Variants in PXDNL observed in about 807,000 individuals in gnomAD.
The protein encoded by PXDNL is peroxidasin like.
Under a neutral mutation model 150.8 loss-of-function variants are expected in PXDNL, and 145 were observed. That is an observed-to-expected ratio of 0.96 (90% confidence interval 0.84 to 1.10). PXDNL has a LOEUF of 1.10. PXDNL is among the 50% of genes least tolerant of loss of function. The pLI, the probability that PXDNL is intolerant of heterozygous loss-of-function variation, is 0.00. For synonymous variants in PXDNL, 757 were observed against 725.7 expected (o/e 1.04, Z -0.69); for missense variants, 2,087 against 1,873.9 (o/e 1.11, Z -2.10).
At chr8:51,432,017 C>A (rs1449308652) in intron 12 of PXDNL, among the ~76,000 whole-genome samples, 1 of 152,170 alleles carries the variant, frequency 6.6e-6, no homozygotes, top group Non-Finnish European at 1.5e-5. Flanking sequence ...AGATTATCAT[C>A]TTTTCTGATA....
chr8:51,519,075 G>A (rs1391817935), intron 4 of PXDNL, among the ~76,000 whole-genome samples: 2 of 152,176 alleles, frequency 1.3e-5, no homozygotes, highest in African/African-American at 4.8e-5. Context: ...ACTGACATAA[G>A]ATGGATTTTT....
At chr8:51,533,910 G>T (rs1181831956) in intron 4 of PXDNL, among the ~76,000 whole-genome samples, 1 of 150,830 alleles carries the variant, frequency 6.6e-6, no homozygotes, top group Non-Finnish European at 1.5e-5. Flanking sequence ...CCGCCACCCC[G>T]TCTGGGAAGT....
intron 5 of PXDNL, among the ~76,000 whole-genome samples, chr8:51,496,703 T>G (rs1267553270): frequency 6.6e-6 from 1 of 152,014 alleles, no homozygotes; most frequent in Admixed American, 6.6e-5. Context: ...TCAAAGAGAA[T>G]GAAATACCTA....
At chr8:51,327,379 T>A (rs112747469) in intron 21 of PXDNL, among the ~76,000 whole-genome samples, 3 of 152,224 alleles carry the variant, frequency 2.0e-5, no homozygotes, top group African/African-American at 7.2e-5. Context: ...GATACAATCA[T>A]GTAAGTGTCT....
chr8:51,769,611 G>C (rs1400470848), intron 1 of PXDNL, among the ~76,000 whole-genome samples: 1 of 152,146 alleles, frequency 6.6e-6, no homozygotes, highest in Admixed American at 6.5e-5. Flanking sequence ...TGTAATCATA[G>C]ATATTTCACA....
At chr8:51,543,710 CAAAAAA>C (rs572642373) in intron 4 of PXDNL, among the ~76,000 whole-genome samples, 2,509 of 60,372 alleles carry the variant, frequency 0.042, 25 homozygotes, top group African/African-American at 0.06. Context: ...GACTCCATAT[CAAAAAA>C]AAAAAAAAAA....
At position 51,626,901 on chromosome 8, in the gene PXDNL, T is replaced by C. The variant is rs1307286537; in HGVS notation, c.236+27788A>G. Among the ~76,000 whole-genome samples, 5 of 152,172 alleles carry C rather than the reference T, an allele frequency of 3.3e-5. No homozygotes were observed. The East Asian group carries it at 9.6e-4, about 29-fold the overall frequency. ...ATCAAAGCTGTTGTCATCCAGGCCC[T>C]GTCCACTGAGCAGCCTTTGATGTCT... On this transcript the variant is annotated intron_variant, in intron 2 of 22. Transcript: ENST00000356297.
intron 4 of PXDNL, among the ~76,000 whole-genome samples, chr8:51,516,502 T>C (rs1811542925): frequency 6.6e-6 from 1 of 152,186 alleles, no homozygotes; most frequent in Admixed American, 6.5e-5. Context: ...AGTCAGAAAA[T>C]CCACCATGAT....
chr8:51,612,199 C>A (rs1324058222), intron 2 of PXDNL, among the ~76,000 whole-genome samples: 1 of 152,092 alleles, frequency 6.6e-6, no homozygotes, highest in South Asian at 2.1e-4. Context: ...GTTTTGCTCC[C>A]GGCCTCCACT....
chr8:51,600,964 T>C (rs1300468418), intron 2 of PXDNL, among the ~76,000 whole-genome samples: 1 of 145,072 alleles, frequency 6.9e-6, no homozygotes, highest in Non-Finnish European at 1.5e-5. Flanking sequence ...CTATAAATTA[T>C]ATAATTTATA....
chr8:51,628,896 T>C (rs72638061), intron 2 of PXDNL, among the ~76,000 whole-genome samples: 4,736 of 149,120 alleles, frequency 0.032, 130 homozygotes, highest in Non-Finnish European at 0.041. Flanking sequence ...AAAACAAATC[T>C]TGAAGAGGGG....
At chr8:51,677,511 G>A (rs920510167) in intron 1 of PXDNL, among the ~76,000 whole-genome samples, 3 of 152,174 alleles carry the variant, frequency 2.0e-5, no homozygotes, top group African/African-American at 7.2e-5. Context: ...AGAGTTATCT[G>A]AGAGCCTTGC....
At chr8:51,544,406 C>A (rs1474287765) in intron 4 of PXDNL, among the ~76,000 whole-genome samples, 1 of 152,172 alleles carries the variant, frequency 6.6e-6, no homozygotes, top group Non-Finnish European at 1.5e-5. Context: ...ATGCTATCTT[C>A]TGCACTGACA....
At chr8:51,772,192 CTCTCTCTCTCTGTCTCTG>C (rs1243645832) in intron 1 of PXDNL, among the ~76,000 whole-genome samples, 1 of 151,574 alleles carries the variant, frequency 6.6e-6, no homozygotes, top group Non-Finnish European at 1.5e-5. Flanking sequence ...GGGTCTCTCT[CTCTCTCTCTCTGTCTCTG>C]TCTCTCTCTT....
chr8:51,698,590 G>T (rs1010038839), intron 1 of PXDNL, among the ~76,000 whole-genome samples: 8 of 152,114 alleles, frequency 5.3e-5, no homozygotes, highest in Non-Finnish European at 1.2e-4. Flanking sequence ...AGTTGGAATC[G>T]ACTTCTTCCA....
At chr8:51,769,138 A>G (rs768246083) in intron 1 of PXDNL, among the ~76,000 whole-genome samples, 2 of 152,206 alleles carry the variant, frequency 1.3e-5, no homozygotes, top group Non-Finnish European at 2.9e-5. Context: ...GGAATTGTGG[A>G]ATGAACTGCA....
At chr8:51,614,892 G>A (rs965284680) in intron 2 of PXDNL, among the ~76,000 whole-genome samples, 11 of 152,126 alleles carry the variant, frequency 7.2e-5, no homozygotes, top group Non-Finnish European at 1.3e-4. Context: ...AAAAGTACAA[G>A]ATGATAGAAG....
intron 5 of PXDNL, among the ~76,000 whole-genome samples, chr8:51,492,266 G>A (rs930958046): frequency 2.0e-5 from 3 of 152,194 alleles, no homozygotes; most frequent in African/African-American, 2.4e-5. Context: ...GAGAGAAATA[G>A]CATATCATCA....
Position 51,426,730 on chromosome 8 carries a change from C to G in PXDNL, c.1554G>C (p.Gln518His). 1 of 1,602,804 alleles carries G rather than the reference C, an allele frequency of 6.2e-7. No homozygotes were observed. Among genetic ancestry groups the G allele is most frequent in the Non-Finnish European group, 8.5e-7 (1 of 1,173,458 alleles). Reference protein sequence around the residue: ...KALAVFTQLPQDTSVEVGKNI... With the variant: ...KALAVFTQLPHDTSVEVGKNI... ...TCTTTCCAACCTCGACACTTGTATC[C>G]TGAGGAAGTTGAGTAAACACTGCAA... Residue 518 changes from glutamine (Q) to histidine (H), a missense_variant, in exon 13 of 23, where the codon CAG becomes CAC. Coordinates refer to ENST00000356297, the MANE Select transcript of PXDNL (RefSeq NM_144651.5).
Sources: allele counts gnomAD v4.1 joint callset (sites outside exome capture counted in the v4.1 genomes callset), GRCh38; gene constraint gnomAD v4.1.1; transcripts MANE v1.5; gene names NCBI Gene and HGNC (gene_info 2026-07-23, HGNC 2026-07-21).